The following EPHA6 variants were observed in gnomAD, a reference collection of about 807,000 sequenced individuals.
EPHA6 encodes EPH receptor A6, also known as ephrin type-A receptor 6.
In EPHA6, 50 loss-of-function variants were observed where a neutral mutation model predicts 112.0. That is an observed-to-expected ratio of 0.45 (90% CI 0.36 to 0.56). The LOEUF is 0.56. Among genes scored for constraint, EPHA6 ranks in the 20% least tolerant of loss-of-function variants. EPHA6 has a pLI of 0.00. For missense variants in EPHA6, 1,280 were observed against 1,417.4 expected, an observed-to-expected ratio of 0.90 and a Z score of 1.56; for synonymous variants, 529 against 490.7, an observed-to-expected ratio of 1.08 and a Z score of -1.03.
intron 2 of EPHA6, among the ~76,000 whole-genome samples, chr3:96,921,042 A>C (rs1191581402): frequency 6.6e-6 from 1 of 152,044 alleles, no homozygotes; most frequent in Non-Finnish European, 1.5e-5. Context: ...GCAGATATCT[A>C]ATAATACTGT....
chr3:97,699,025 A>G (rs897206413), intron 14 of EPHA6, among the ~76,000 whole-genome samples: 5 of 152,212 alleles, frequency 3.3e-5, no homozygotes, highest in Non-Finnish European at 7.3e-5. Context: ...CAGTTGTGAG[A>G]ACAGGATCAA....
chr3:97,408,546 T>A (rs185192246), intron 6 of EPHA6, among the ~76,000 whole-genome samples: 255 of 152,198 alleles, frequency 1.7e-3, no homozygotes, highest in African/African-American at 5.9e-3. Context: ...ATAAACTATG[T>A]GGCTTATAAA....
intron 13 of EPHA6, among the ~76,000 whole-genome samples, chr3:97,622,701 A>T (rs966348408): frequency 6.6e-6 from 1 of 151,804 alleles, no homozygotes; most frequent in African/African-American, 2.4e-5. Flanking sequence ...TTACATTCCT[A>T]CCAACAGAGT....
At chr3:96,840,516 G>A (rs367962156) in intron 1 of EPHA6, among the ~76,000 whole-genome samples, 1 of 152,056 alleles carries the variant, frequency 6.6e-6, no homozygotes. Context: ...GCCTGTAGTC[G>A]TGAGCAAGAG....
At chr3:97,650,856 CA>C (rs11377339) in intron 14 of EPHA6, among the ~76,000 whole-genome samples, 146 of 96,022 alleles carry the variant, frequency 1.5e-3, no homozygotes, top group African/African-American at 3.4e-3. Flanking sequence ...GACTCCATCT[CA>C]AAAAAAAAAA....
At chr3:97,049,742 CT>C (rs1163249664) in intron 3 of EPHA6, among the ~76,000 whole-genome samples, 1 of 152,094 alleles carries the variant, frequency 6.6e-6, no homozygotes, top group Non-Finnish European at 1.5e-5. Flanking sequence ...ATTTCCACTC[CT>C]GATGCAAGGC....
chr3:96,864,803 G>A (rs1406584032), intron 1 of EPHA6, among the ~76,000 whole-genome samples: 6 of 151,934 alleles, frequency 3.9e-5, no homozygotes, highest in Non-Finnish European at 8.8e-5. Context: ...TTGAATCTCG[G>A]CTTCTTTTCA....
intron 3 of EPHA6, among the ~76,000 whole-genome samples, chr3:97,030,930 A>G (rs944136369): frequency 5.3e-5 from 8 of 151,946 alleles, no homozygotes; most frequent in African/African-American, 1.9e-4. Flanking sequence ...TTAACATACT[A>G]ATGTTTGAGT....
At chr3:96,847,209 A>G (rs962860240) in intron 1 of EPHA6, among the ~76,000 whole-genome samples, 2 of 152,120 alleles carry the variant, frequency 1.3e-5, no homozygotes, top group African/African-American at 4.8e-5. Flanking sequence ...ATAAATCAAA[A>G]ATATAATTAT....
chr3:96,927,862 G>T (rs898501311), intron 2 of EPHA6, among the ~76,000 whole-genome samples: 31 of 152,260 alleles, frequency 2.0e-4, no homozygotes, highest in Non-Finnish European at 8.8e-5. Flanking sequence ...CTGAGATCAG[G>T]TAATGTATAA....
At chr3:96,899,302 T>C (rs992027677) in intron 2 of EPHA6, among the ~76,000 whole-genome samples, 3 of 152,174 alleles carry the variant, frequency 2.0e-5, no homozygotes, top group African/African-American at 7.2e-5. Flanking sequence ...AGCCTTCTTA[T>C]AAGGACATCA....
At chr3:97,665,237 A>T (rs554189572) in intron 14 of EPHA6, among the ~76,000 whole-genome samples, 18 of 152,336 alleles carry the variant, frequency 1.2e-4, no homozygotes, top group African/African-American at 3.4e-4. Context: ...CCTATTTAAC[A>T]AATGGTGCTG....
rs535651270 is a variant in EPHA6, at chr3:97,636,317, C to T, written c.2575-1556C>T. ...ATTCCACTCAAAGGTTTCAAGATTC[C>T]TAATAGAAGAGTGGTAGGTAGTGTA... On this transcript the variant is annotated intron_variant, in intron 13 of 17. Transcript: ENST00000389672. Among the ~76,000 whole-genome samples, 41 of 152,100 alleles carry T rather than the reference C, an allele frequency of 2.7e-4. 1 individual carries two copies. The South Asian group carries it at 7.5e-3, about 28-fold the overall frequency.
chr3:97,278,385 T>A (rs114915263), intron 5 of EPHA6, among the ~76,000 whole-genome samples: 1,703 of 152,274 alleles, frequency 0.011, 31 homozygotes, highest in African/African-American at 0.039. Context: ...ATACAGGAAG[T>A]TCTTTCATTT....
chr3:97,294,065 A>G lies in EPHA6; in HGVS notation c.1606+49778A>G, dbSNP rs2080792395. On this transcript the variant is annotated intron_variant, in intron 5 of 17. Coordinates refer to ENST00000389672, the MANE Select transcript of EPHA6 (RefSeq NM_001080448.3). ...GAGCAGGGGGAGGCCAGGGAGCAGG[A>G]GCTGGTACTTCCAAGCCTGTGGGAG... is the stretch of plus-strand genomic sequence containing the variant. 2.6e-5 allele frequency among the ~76,000 whole-genome samples: 4 copies of G among 152,332 alleles called. No individual in the cohort carries two copies. In the South Asian group the frequency reaches 8.3e-4, roughly 32 times the overall value.
At chr3:97,257,461 G>T (rs750749037) in intron 5 of EPHA6, among the ~76,000 whole-genome samples, 4 of 151,936 alleles carry the variant, frequency 2.6e-5, no homozygotes, top group Non-Finnish European at 5.9e-5. Context: ...GCAAATCAGA[G>T]AAATGCAAAT....
intron 3 of EPHA6, among the ~76,000 whole-genome samples, chr3:97,208,919 C>T (rs9784387): frequency 0.25 from 37,640 of 152,070 alleles, 12,165 homozygotes; most frequent in African/African-American, 0.73. Flanking sequence ...GATTAAAAAG[C>T]TTAGAAATTT....
At chr3:97,033,771 T>C (rs1401902111) in intron 3 of EPHA6, among the ~76,000 whole-genome samples, 2 of 151,922 alleles carry the variant, frequency 1.3e-5, no homozygotes, top group Non-Finnish European at 2.9e-5. Context: ...GACCATGTAT[T>C]TGATAAGAGC....
chr3:97,262,229 A>G (rs1389888561), intron 5 of EPHA6, among the ~76,000 whole-genome samples: 4 of 152,150 alleles, frequency 2.6e-5, no homozygotes, highest in East Asian at 3.9e-4. Flanking sequence ...TCTCACCACA[A>G]TGTCTTGCCT....
Sources: gnomAD v4.1 joint callset for allele counts (sites outside exome capture counted in the v4.1 genomes callset) on GRCh38, gnomAD v4.1.1 for gene constraint, MANE v1.5 for transcripts, NCBI Gene and HGNC (gene_info 2026-07-23, HGNC 2026-07-21) for gene names.